ZNF892: variants seen among roughly 807,000 people sequenced by gnomAD.
The protein encoded by ZNF892 is zinc finger protein 892, also known as zinc finger protein 570-like.
chr2:95,233,926 T>G, the ZNF892 span, among the ~76,000 whole-genome samples: 1 of 152,314 alleles, frequency 6.6e-6, no homozygotes, highest in South Asian at 2.1e-4. Flanking sequence ...GTGATCTGCC[T>G]GCCTTGGCCT....
chr2:95,261,473 T>G, the ZNF892 span, among the ~76,000 whole-genome samples: 1 of 152,152 alleles, frequency 6.6e-6, no homozygotes, highest in Non-Finnish European at 1.5e-5. Context: ...TTTTATAGTT[T>G]TAGTAGAGAC....
At chr2:95,233,291 CG>C in the ZNF892 span, among the ~76,000 whole-genome samples, 1 of 151,474 alleles carries the variant, frequency 6.6e-6, no homozygotes, top group South Asian at 2.1e-4. Flanking sequence ...TTTAGAACTC[CG>C]GGGCTCAAGC....
chr2:95,212,193 G>T, the ZNF892 span: 3 of 398,298 alleles, frequency 7.5e-6, no homozygotes, highest in Admixed American at 1.3e-4. Context: ...CTATGAATAG[G>T]GCTTCCAATT....
At chr2:95,220,132 G>A in the ZNF892 span, among the ~76,000 whole-genome samples, 5 of 152,164 alleles carry the variant, frequency 3.3e-5, no homozygotes, top group Non-Finnish European at 5.9e-5. Context: ...TGCTCAGTTG[G>A]TCTTCTCTGA....
chr2:95,250,031 T>C, the ZNF892 span, among the ~76,000 whole-genome samples: 2 of 152,168 alleles, frequency 1.3e-5, no homozygotes, highest in African/African-American at 4.8e-5. Context: ...TTGAATTGTT[T>C]GTGAAAATTT....
the ZNF892 span, among the ~76,000 whole-genome samples, chr2:95,233,380 TA>T: frequency 6.6e-6 from 1 of 151,068 alleles, no homozygotes; most frequent in Admixed American, 6.6e-5. Flanking sequence ...TTGAAAAAAA[TA>T]AAAACATCTC....
chr2:95,241,918 T>G, the ZNF892 span, among the ~76,000 whole-genome samples: 1 of 152,000 alleles, frequency 6.6e-6, no homozygotes, highest in Non-Finnish European at 1.5e-5. Flanking sequence ...GCTATCTTTC[T>G]GAAATGAGAC....
chr2:95,215,246 G>A, the ZNF892 span: 1 of 465,376 alleles, frequency 2.1e-6, no homozygotes, highest in South Asian at 6.2e-5. Context: ...GCTCAGCCCT[G>A]ACTCAGCACC....
chr2:95,254,113 C>G, the ZNF892 span, among the ~76,000 whole-genome samples: 1 of 152,160 alleles, frequency 6.6e-6, no homozygotes, highest in Non-Finnish European at 1.5e-5. Flanking sequence ...ACTTCCAACA[C>G]TATGTTGAAT....
chr2:95,260,872 A>T, the ZNF892 span, among the ~76,000 whole-genome samples: 1 of 152,196 alleles, frequency 6.6e-6, no homozygotes, highest in African/African-American at 2.4e-5. Flanking sequence ...AGCAAGGCCA[A>T]ACCCCGCTTT....
the ZNF892 span, among the ~76,000 whole-genome samples, chr2:95,224,476 C>T: frequency 6.6e-6 from 1 of 152,046 alleles, no homozygotes; most frequent in Non-Finnish European, 1.5e-5. Context: ...AGGGAGCTTA[C>T]AATCATGGGG....
the ZNF892 span, among the ~76,000 whole-genome samples, chr2:95,232,576 A>G: frequency 6.6e-6 from 1 of 152,156 alleles, no homozygotes; most frequent in African/African-American, 2.4e-5. Context: ...TCCCCAGCTC[A>G]GTGTTTGTCT....
At chr2:95,209,091 A>G in the ZNF892 span, among the ~76,000 whole-genome samples, 1 of 152,228 alleles carries the variant, frequency 6.6e-6, no homozygotes, top group African/African-American at 2.4e-5. Flanking sequence ...TTTTAAACAT[A>G]GAAATCATTG....
chr2:95,249,231 A>ATTTTTT, the ZNF892 span, among the ~76,000 whole-genome samples: 5 of 57,092 alleles, frequency 8.8e-5, no homozygotes, highest in East Asian at 5.2e-4. Context: ...ATATATATAT[A>ATTTTTT]TTTTTTTTTT....
chr2:95,251,887 A>C, the ZNF892 span, among the ~76,000 whole-genome samples: 1 of 152,248 alleles, frequency 6.6e-6, no homozygotes, highest in Non-Finnish European at 1.5e-5. Flanking sequence ...GCTGTGGATC[A>C]ATGACCAGTG....
chr2:95,210,346 A>T, the ZNF892 span, among the ~76,000 whole-genome samples: 8 of 151,966 alleles, frequency 5.3e-5, no homozygotes, highest in East Asian at 1.2e-3. Flanking sequence ...AACCCAAGGG[A>T]TGGTTTATTT....
the ZNF892 span, among the ~76,000 whole-genome samples, chr2:95,246,043 AC>A: frequency 3.9e-5 from 6 of 152,274 alleles, no homozygotes; most frequent in South Asian, 2.1e-4. Flanking sequence ...TGATACCAAA[AC>A]CTGGCAGAGA....
At chr2:95,217,453 C>G in the ZNF892 span, among the ~76,000 whole-genome samples, 1 of 152,156 alleles carries the variant, frequency 6.6e-6, no homozygotes, top group Non-Finnish European at 1.5e-5. Context: ...GCTCTAAAGT[C>G]CAGACCTTCA....
chr2:95,235,480 G>A, the ZNF892 span, among the ~76,000 whole-genome samples: 8 of 151,566 alleles, frequency 5.3e-5, no homozygotes, highest in African/African-American at 1.5e-4. Flanking sequence ...TCCTGCCTCA[G>A]CCTCCTGAGT....
Sources: gnomAD v4.1 joint callset for allele counts (sites outside exome capture counted in the v4.1 genomes callset) on GRCh38, gnomAD v4.1.1 for gene constraint, MANE v1.5 for transcripts, NCBI Gene and HGNC (gene_info 2026-07-23, HGNC 2026-07-21) for gene names.